Variants in GTF2F2 observed in about 807,000 individuals in gnomAD.
GTF2F2 encodes the protein ATP-dependent helicase GTF2F2.
Under a neutral mutation model 42.2 loss-of-function variants are expected in GTF2F2, and 23 were observed. That is an observed-to-expected ratio of 0.55 (90% CI 0.39 to 0.77). GTF2F2 has a LOEUF of 0.77. GTF2F2 is among the 30% of genes least tolerant of loss of function. GTF2F2 has a pLI of 0.00. For missense variants in GTF2F2, 261 were observed against 287.2 expected, an observed-to-expected ratio of 0.91 and a Z score of 0.66; for synonymous variants, 105 against 100.8, an observed-to-expected ratio of 1.04 and a Z score of -0.25.
chr13:45,120,965 C>T (rs1295386444), intron 1 of GTF2F2, among the ~76,000 whole-genome samples: 12 of 152,188 alleles, frequency 7.9e-5, no homozygotes, highest in Admixed American at 6.5e-5. Context: ...CTCTTTCTCA[C>T]GGCTTTCCTG....
chr13:45,147,106 C>T (rs1209455779), intron 2 of GTF2F2, among the ~76,000 whole-genome samples: 1 of 152,186 alleles, frequency 6.6e-6, no homozygotes, highest in African/African-American at 2.4e-5. Context: ...ATTGTCCTCT[C>T]CTCCTGTGTT....
chr13:45,208,347 A>G (rs1384705614), intron 5 of GTF2F2, among the ~76,000 whole-genome samples: 1 of 152,190 alleles, frequency 6.6e-6, no homozygotes, highest in Non-Finnish European at 1.5e-5. Flanking sequence ...TATGACGTTC[A>G]AAGAGTCAGC....
chr13:45,161,497 C>T (rs766141388), intron 4 of GTF2F2, among the ~76,000 whole-genome samples: 17 of 152,252 alleles, frequency 1.1e-4, no homozygotes, highest in Non-Finnish European at 1.6e-4. Flanking sequence ...TTAGGGGAAC[C>T]TCATGCGTAA....
chr13:45,162,349 T>A (rs1871078712), intron 4 of GTF2F2, among the ~76,000 whole-genome samples: 2 of 152,242 alleles, frequency 1.3e-5, no homozygotes, highest in South Asian at 4.1e-4. Context: ...AAGGAAGCTC[T>A]GTTTTTTGCT....
intron 2 of GTF2F2, among the ~76,000 whole-genome samples, chr13:45,141,769 A>G (rs568353958): frequency 1.3e-5 from 2 of 152,210 alleles, no homozygotes; most frequent in African/African-American, 4.8e-5. Flanking sequence ...AGAGGTGGCC[A>G]TGGGTAACTG....
intron 5 of GTF2F2, among the ~76,000 whole-genome samples, chr13:45,211,665 G>A (rs926723741): frequency 3.4e-5 from 5 of 149,186 alleles, no homozygotes; most frequent in Non-Finnish European, 4.4e-5. Flanking sequence ...TCAGCTCACC[G>A]CAACCTCCGC....
At chr13:45,149,879 C>T in intron 3 of GTF2F2, 91 bp downstream of exon 3, 1 of 1,267,588 alleles carries the variant, frequency 7.9e-7, no homozygotes, top group Non-Finnish European at 1.1e-6. Flanking sequence ...TTTTGGAAAA[C>T]TCCACATCAA....
intron 4 of GTF2F2, among the ~76,000 whole-genome samples, chr13:45,159,459 C>T (rs1375382163): frequency 1.3e-5 from 2 of 152,180 alleles, no homozygotes; most frequent in Non-Finnish European, 1.5e-5. Flanking sequence ...GGCGCGATCT[C>T]GGCTCACTGC....
chr13:45,211,708 C>A (rs1335032454), intron 5 of GTF2F2, among the ~76,000 whole-genome samples: 1 of 152,006 alleles, frequency 6.6e-6, no homozygotes, highest in Admixed American at 6.6e-5. Context: ...CTGCCTCAGC[C>A]TCCCAAGTAG....
intron 4 of GTF2F2, among the ~76,000 whole-genome samples, chr13:45,190,156 G>GA (rs1218292923): frequency 4.6e-5 from 7 of 151,120 alleles, no homozygotes; most frequent in African/African-American, 1.5e-4. Flanking sequence ...AAATCTACAA[G>GA]AAAAAAACAA....
intron 1 of GTF2F2, among the ~76,000 whole-genome samples, chr13:45,128,523 A>G (rs983262922): frequency 2.0e-5 from 3 of 151,198 alleles, no homozygotes; most frequent in Admixed American, 6.6e-5. Context: ...CAGTGAGCCA[A>G]GATCATGCCA....
chr13:45,172,842 T>C (rs1316171239), intron 4 of GTF2F2, among the ~76,000 whole-genome samples: 1 of 152,188 alleles, frequency 6.6e-6, no homozygotes, highest in Non-Finnish European at 1.5e-5. Flanking sequence ...TTGATGACTG[T>C]AGCTTTGTAG....
chr13:45,168,299 G>A (rs1233677491), intron 4 of GTF2F2, among the ~76,000 whole-genome samples: 1 of 152,180 alleles, frequency 6.6e-6, no homozygotes, highest in Non-Finnish European at 1.5e-5. Flanking sequence ...TTTACATCTC[G>A]GCACCTTTGT....
chr13:45,276,661 G>A (rs1877048579), intron 7 of GTF2F2, among the ~76,000 whole-genome samples: 2 of 152,010 alleles, frequency 1.3e-5, no homozygotes, highest in Admixed American at 6.6e-5. Context: ...GGCTGGTCTC[G>A]AGCTCCTGAC....
At chr13:45,167,048 CA>C (rs1439002780) in intron 4 of GTF2F2, among the ~76,000 whole-genome samples, 1 of 151,554 alleles carries the variant, frequency 6.6e-6, no homozygotes, top group Non-Finnish European at 1.5e-5. Flanking sequence ...GTGGCCAGCA[CA>C]CTTTGAAAGA....
intron 5 of GTF2F2, among the ~76,000 whole-genome samples, chr13:45,237,245 G>A (rs1305747074): frequency 2.0e-5 from 3 of 152,078 alleles, no homozygotes; most frequent in African/African-American, 7.2e-5. Context: ...TGTTTTACCT[G>A]CAGCTGAATG....
intron 4 of GTF2F2, among the ~76,000 whole-genome samples, chr13:45,185,279 CAAAG>C (rs983198076): frequency 7.2e-5 from 11 of 152,002 alleles, no homozygotes; most frequent in Non-Finnish European, 1.5e-4. Context: ...CCTTAAGACA[CAAAG>C]AAAGAGCAGA....
intron 7 of GTF2F2, among the ~76,000 whole-genome samples, chr13:45,276,517 A>T (rs530243854): frequency 6.6e-6 from 1 of 151,856 alleles, no homozygotes; most frequent in African/African-American, 2.4e-5. Context: ...GCTCACTGCA[A>T]CCTCTGCCTC....
intron 7 of GTF2F2, among the ~76,000 whole-genome samples, chr13:45,281,537 A>G (rs1255731896): frequency 6.6e-6 from 1 of 152,234 alleles, no homozygotes; most frequent in Non-Finnish European, 1.5e-5. Flanking sequence ...CTTAAGCCAG[A>G]TGTGGTGGAA....
Sources: gnomAD v4.1 joint callset for allele counts (sites outside exome capture counted in the v4.1 genomes callset) on GRCh38, gnomAD v4.1.1 for gene constraint, MANE v1.5 for transcripts, NCBI Gene and HGNC (gene_info 2026-07-23, HGNC 2026-07-21) for gene names.